CNTN5: variants seen among roughly 807,000 people sequenced by gnomAD.
CNTN5 encodes contactin-5.
A neutral mutation model predicts 129.1 loss-of-function variants in CNTN5; 77 were observed. That is an observed-to-expected ratio of 0.60 (90% CI 0.50 to 0.72). The LOEUF is 0.72. Among genes scored for constraint, CNTN5 ranks in the 30% least tolerant of loss-of-function variants. The pLI is 0.00. For missense variants in CNTN5, 1,478 were observed against 1,328.8 expected (o/e 1.11, Z -1.75); for synonymous variants, 509 against 465.6 (o/e 1.09, Z -1.20).
intron 9 of CNTN5, among the ~76,000 whole-genome samples, chr11:100,041,374 A>G (rs183736320): frequency 4.3e-4 from 65 of 152,226 alleles, no homozygotes; most frequent in Middle Eastern, 3.4e-3. Flanking sequence ...TTCCACCTCT[A>G]TCACTCTCCC....
intron 1 of CNTN5, among the ~76,000 whole-genome samples, chr11:99,318,025 C>G (rs1182951199): frequency 6.6e-6 from 1 of 151,974 alleles, no homozygotes; most frequent in African/African-American, 2.4e-5. Flanking sequence ...TTTCAAAATC[C>G]AAGTATAAAA....
At chr11:99,788,532 A>AGATTTTG (rs1945620004) in intron 3 of CNTN5, among the ~76,000 whole-genome samples, 1 of 151,940 alleles carries the variant, frequency 6.6e-6, no homozygotes, top group Admixed American at 6.6e-5. Context: ...AATAGATTTT[A>AGATTTTG]GATTTCTGTT....
chr11:99,653,951 G>A (rs1451812359), intron 3 of CNTN5, among the ~76,000 whole-genome samples: 1 of 151,726 alleles, frequency 6.6e-6, no homozygotes, highest in Non-Finnish European at 1.5e-5. Flanking sequence ...AAAGCAGTCA[G>A]TCAAGGCAGT....
At chr11:99,369,863 G>A (rs955219504) in intron 2 of CNTN5, among the ~76,000 whole-genome samples, 1 of 151,990 alleles carries the variant, frequency 6.6e-6, no homozygotes, top group Non-Finnish European at 1.5e-5. Context: ...CTAGAAAGAA[G>A]CAGATATTTA....
chr11:99,193,672 C>T (rs1472564782), intron 1 of CNTN5, among the ~76,000 whole-genome samples: 5 of 152,146 alleles, frequency 3.3e-5, no homozygotes, highest in Non-Finnish European at 1.5e-5. Flanking sequence ...CACTCATTTA[C>T]AATGCTCAAA....
intron 3 of CNTN5, among the ~76,000 whole-genome samples, chr11:99,653,677 A>C (rs1952242010): frequency 6.6e-6 from 1 of 152,118 alleles, no homozygotes; most frequent in East Asian, 1.9e-4. Context: ...ATTTACATGT[A>C]ATATATGTGA....
chr11:99,112,999 T>C (rs1462049128), intron 1 of CNTN5, among the ~76,000 whole-genome samples: 3 of 152,084 alleles, frequency 2.0e-5, no homozygotes, highest in Admixed American at 6.6e-5. Context: ...CCAAAGTTCA[T>C]GTCAAATCTA....
At chr11:99,695,926 A>G (rs1954249991) in intron 3 of CNTN5, among the ~76,000 whole-genome samples, 2 of 152,092 alleles carry the variant, frequency 1.3e-5, no homozygotes, top group Admixed American at 1.3e-4. Context: ...GGATTAAATG[A>G]GTTAATACAT....
chr11:99,493,543 AATATT>A (rs1291604272), intron 2 of CNTN5, among the ~76,000 whole-genome samples: 1 of 152,234 alleles, frequency 6.6e-6, no homozygotes, highest in Non-Finnish European at 1.5e-5. Context: ...TCAGTTAGCA[AATATT>A]AATGGAGAAA....
intron 15 of CNTN5, among the ~76,000 whole-genome samples, chr11:100,217,396 C>A (rs1032737196): frequency 5.9e-5 from 9 of 152,120 alleles, no homozygotes; most frequent in African/African-American, 2.2e-4. Flanking sequence ...TCTGTCTAGA[C>A]AAAATGACAG....
chr11:100,281,279 T>G (rs1164710653), intron 18 of CNTN5, among the ~76,000 whole-genome samples: 1 of 152,186 alleles, frequency 6.6e-6, no homozygotes, highest in Non-Finnish European at 1.5e-5. Flanking sequence ...ACAGGTCTGG[T>G]GTTGATGAAA....
At chr11:99,849,121 CTTAA>C (rs1431452469) in intron 6 of CNTN5, among the ~76,000 whole-genome samples, 1 of 151,662 alleles carries the variant, frequency 6.6e-6, no homozygotes, top group Non-Finnish European at 1.5e-5. Context: ...TAGGTATATA[CTTAA>C]TTGAAGAATT....
At chr11:99,191,123 G>A (rs1212087516) in intron 1 of CNTN5, among the ~76,000 whole-genome samples, 1 of 151,574 alleles carries the variant, frequency 6.6e-6, no homozygotes, top group African/African-American at 2.4e-5. Context: ...TCTTCATTCT[G>A]TTGATGTGTG....
intron 2 of CNTN5, among the ~76,000 whole-genome samples, chr11:99,523,336 C>T (rs372035893): frequency 2.9e-4 from 44 of 152,194 alleles, no homozygotes; most frequent in African/African-American, 9.6e-4. Context: ...TGGCTGGGTG[C>T]AGTGGCTCAG....
At chr11:99,126,901 T>C (rs986554221) in intron 1 of CNTN5, among the ~76,000 whole-genome samples, 4 of 152,194 alleles carry the variant, frequency 2.6e-5, no homozygotes, top group African/African-American at 9.6e-5. Flanking sequence ...CTCCTTTCTA[T>C]ACATCACTTT....
chr11:99,840,535 C>A (rs1312324127), intron 4 of CNTN5, among the ~76,000 whole-genome samples: 1 of 151,818 alleles, frequency 6.6e-6, no homozygotes, highest in Non-Finnish European at 1.5e-5. Context: ...AAAAAAGCCT[C>A]TTGAGTATGA....
intron 2 of CNTN5, among the ~76,000 whole-genome samples, chr11:99,509,460 C>T (rs1276436179): frequency 6.6e-6 from 1 of 152,056 alleles, no homozygotes; most frequent in African/African-American, 2.4e-5. Flanking sequence ...TCTTCATGTT[C>T]ACTGAGAAGA....
intron 1 of CNTN5, among the ~76,000 whole-genome samples, chr11:99,122,038 G>C (rs34938827): frequency 0.11 from 16,009 of 151,738 alleles, 1,067 homozygotes; most frequent in Non-Finnish European, 0.15. Flanking sequence ...CAACATGCAG[G>C]TTTGTTACAC....
intron 3 of CNTN5, among the ~76,000 whole-genome samples, chr11:99,748,582 G>A (rs1986798): frequency 0.14 from 21,884 of 152,130 alleles, 1,714 homozygotes; most frequent in Non-Finnish European, 0.16. Context: ...TGAGAACCAG[G>A]GGACCCAATA....
Sources: allele counts gnomAD v4.1 joint callset (sites outside exome capture counted in the v4.1 genomes callset), GRCh38; gene constraint gnomAD v4.1.1; transcripts MANE v1.5; gene names NCBI Gene and HGNC (gene_info 2026-07-23, HGNC 2026-07-21).